The following STPG2 variants were observed in gnomAD, a reference collection of about 807,000 sequenced individuals.
The protein encoded by STPG2 is sperm-tail PG-rich repeat-containing protein 2.
Under a neutral mutation model 54.2 loss-of-function variants are expected in STPG2, and 56 were observed. The ratio of observed to expected loss-of-function variants is 1.03; its 90% CI spans 0.83 to 1.29. The LOEUF (loss-of-function observed/expected upper bound fraction) is 1.29. STPG2 is among the 50% of genes most tolerant of loss of function. STPG2 has a pLI of 0.00. For synonymous variants in STPG2, 200 were observed against 181.8 expected, an observed-to-expected ratio of 1.10 and a Z score of -0.81; for missense variants, 596 against 544.9, an observed-to-expected ratio of 1.09 and a Z score of -0.93.
chr4:97,948,398 GA>G (rs955902613), intron 7 of STPG2, among the ~76,000 whole-genome samples: 20 of 151,788 alleles, frequency 1.3e-4, no homozygotes, highest in African/African-American at 4.8e-4. Flanking sequence ...ATTTTGTATT[GA>G]TTTTTTGTTC....
At chr4:97,938,457 G>GAGAGC (rs368368678) in intron 8 of STPG2, among the ~76,000 whole-genome samples, 1 of 151,644 alleles carries the variant, frequency 6.6e-6, no homozygotes, top group Non-Finnish European at 1.5e-5. Flanking sequence ...CAGTGACTAA[G>GAGAGC]TCAGAAGGCT....
At chr4:97,867,839 T>A (rs1729847914) in intron 8 of STPG2, among the ~76,000 whole-genome samples, 1 of 151,934 alleles carries the variant, frequency 6.6e-6, no homozygotes, top group South Asian at 2.1e-4. Flanking sequence ...GAAATAAGAA[T>A]AAAGTAACAA....
intron 5 of STPG2, among the ~76,000 whole-genome samples, chr4:98,059,399 G>C (rs1361364278): frequency 6.6e-6 from 1 of 151,686 alleles, no homozygotes; most frequent in Admixed American, 6.6e-5. Flanking sequence ...CTCCAAAACT[G>C]AATCAGTAAT....
At chr4:97,547,533 G>C (rs1731861171) in intron 4 of STPG2, among the ~76,000 whole-genome samples, 1 of 152,134 alleles carries the variant, frequency 6.6e-6, no homozygotes, top group Non-Finnish European at 1.5e-5. Context: ...TAAATCAGTA[G>C]ATGCATATTT....
chr4:97,737,206 T>C (rs1415972498), intron 9 of STPG2, among the ~76,000 whole-genome samples: 1 of 152,116 alleles, frequency 6.6e-6, no homozygotes, highest in East Asian at 1.9e-4. Flanking sequence ...CAAAACCCCA[T>C]CTGTATGTCA....
Position 98,134,410 on chromosome 4 carries a change from G to A in STPG2, c.159C>T (p.Thr53=). Residue 53 remains threonine, a synonymous_variant, in exon 2 of 11, where the codon ACC becomes ACT. Coordinates refer to ENST00000295268, the MANE Select transcript of STPG2 (RefSeq NM_174952.3). ...CAGCTTTCTCAATGCTAGAGGCAAT[G>A]GTAAAAGTACTTTCTCTGGCAGTCA... ...LSLTARESTF[T]IASSIEKAVP... 1 of 1,588,538 alleles carries A rather than the reference G, an allele frequency of 6.3e-7. No homozygotes were observed. The highest frequency in any genetic ancestry group is 8.6e-7 in the Non-Finnish European group (1 of 1,165,052).
At chr4:97,503,274 G>A (rs1003851037) in intron 4 of STPG2, among the ~76,000 whole-genome samples, 3 of 151,782 alleles carry the variant, frequency 2.0e-5, no homozygotes, top group African/African-American at 4.8e-5. Flanking sequence ...TTTACACCAT[G>A]GAAATAGTCA....
At chr4:97,559,681 G>A (rs751288138) in intron 10 of STPG2, among the ~76,000 whole-genome samples, 2 of 152,142 alleles carry the variant, frequency 1.3e-5, no homozygotes, top group Non-Finnish European at 2.9e-5. Flanking sequence ...ATTTTGCACT[G>A]ATTACTACAG....
intron 5 of STPG2, among the ~76,000 whole-genome samples, chr4:98,082,963 A>G (rs552878202): frequency 4.6e-5 from 7 of 152,136 alleles, no homozygotes; most frequent in Admixed American, 2.0e-4. Flanking sequence ...TCTACTCTGG[A>G]TCTCTCCATT....
At chr4:97,818,220 C>T (rs1488689756) in intron 9 of STPG2, among the ~76,000 whole-genome samples, 1 of 151,768 alleles carries the variant, frequency 6.6e-6, no homozygotes, top group Admixed American at 6.6e-5. Context: ...GATATAAAAC[C>T]TATTTATAGT....
chr4:97,802,705 A>G (rs983154166), intron 9 of STPG2, among the ~76,000 whole-genome samples: 4 of 152,084 alleles, frequency 2.6e-5, no homozygotes, highest in Non-Finnish European at 5.9e-5. Context: ...TCCTGACCTC[A>G]GTTTATCCAC....
intron 10 of STPG2, among the ~76,000 whole-genome samples, chr4:97,673,545 G>A (rs1578470056): frequency 6.6e-6 from 1 of 152,108 alleles, no homozygotes; most frequent in Non-Finnish European, 1.5e-5. Context: ...CTCAGGGCTT[G>A]TCTTCCCAAA....
At chr4:97,801,631 T>A (rs147900509) in intron 9 of STPG2, among the ~76,000 whole-genome samples, 1 of 152,310 alleles carries the variant, frequency 6.6e-6, no homozygotes, top group East Asian at 1.9e-4. Context: ...GTAGCTCATA[T>A]TAAAACCCTT....
At chr4:97,563,361 C>A (rs1446594936) in intron 10 of STPG2, among the ~76,000 whole-genome samples, 2 of 151,466 alleles carry the variant, frequency 1.3e-5, no homozygotes, top group African/African-American at 2.4e-5. Flanking sequence ...AGCGGTCTAT[C>A]AATTTTGTTG....
intron 5 of STPG2, chr4:98,049,076 A>T (rs1578812488): frequency 1.3e-5 from 2 of 152,248 alleles, no homozygotes; most frequent in African/African-American, 4.8e-5. Flanking sequence ...TGAAAAAATT[A>T]TACCTTTTTC....
Position 97,855,870 on chromosome 4 carries a change from A to C in STPG2, c.1045-14938T>G, listed in dbSNP as rs529691723. 4.6e-5 allele frequency among the ~76,000 whole-genome samples: 7 copies of C among 152,282 alleles called. No homozygotes were observed. In the South Asian group the frequency reaches 1.5e-3, roughly 32 times the overall value. On this transcript the variant is annotated intron_variant, in intron 8 of 10. Transcript: ENST00000295268. ...TGATGTAAGAAAAAGGTCCTGTTTC[A>C]ATTTGCAGCATATGGCTAGCCAGTT...
chr4:97,962,322 A>T (rs1733921460), intron 7 of STPG2, among the ~76,000 whole-genome samples: 1 of 152,164 alleles, frequency 6.6e-6, no homozygotes, highest in African/African-American at 2.4e-5. Flanking sequence ...TATTCATGTG[A>T]CCAAACACTA....
chr4:97,517,224 T>C (rs960406800), intron 4 of STPG2, among the ~76,000 whole-genome samples: 22 of 152,162 alleles, frequency 1.4e-4, no homozygotes, highest in African/African-American at 5.3e-4. Context: ...AAAATATTTA[T>C]TGGGCTGTTT....
At chr4:97,945,302 C>A (rs1337715546) in intron 7 of STPG2, among the ~76,000 whole-genome samples, 2 of 152,088 alleles carry the variant, frequency 1.3e-5, no homozygotes, top group Non-Finnish European at 2.9e-5. Context: ...TCAGTGAAAC[C>A]ATACAGTATT....
Sources: allele counts gnomAD v4.1 joint callset (sites outside exome capture counted in the v4.1 genomes callset), GRCh38; gene constraint gnomAD v4.1.1; transcripts MANE v1.5; gene names NCBI Gene and HGNC (gene_info 2026-07-23, HGNC 2026-07-21).